The following KHDRBS2 variants were observed in gnomAD, a reference collection of about 807,000 sequenced individuals.
KHDRBS2 encodes KH domain-containing, RNA-binding, signal transduction-associated protein 2.
A neutral mutation model predicts 44.3 loss-of-function variants in KHDRBS2; 26 were observed. The observed-to-expected ratio is 0.59, with a 90% confidence interval of 0.43 to 0.81. The LOEUF is 0.81. Among genes scored for constraint, KHDRBS2 ranks in the 40% least tolerant of loss-of-function variants. KHDRBS2 has a pLI of 0.00. For synonymous variants in KHDRBS2, 194 were observed against 151.1 expected (o/e 1.28, Z -2.08); for missense variants, 476 against 433.1 (o/e 1.10, Z -0.88).
chr6:61,780,173 T>C (rs1397475579), intron 6 of KHDRBS2, among the ~76,000 whole-genome samples: 1 of 152,212 alleles, frequency 6.6e-6, no homozygotes, highest in East Asian at 1.9e-4. Context: ...AATTTAAAAA[T>C]TTAAAAAATA....
At chr6:61,962,672 G>A (rs1241995686) in intron 4 of KHDRBS2, among the ~76,000 whole-genome samples, 4 of 151,900 alleles carry the variant, frequency 2.6e-5, no homozygotes, top group Non-Finnish European at 4.4e-5. Flanking sequence ...TAAATCTGGA[G>A]GATAACTGTC....
At chr6:62,005,591 A>T in intron 3 of KHDRBS2, among the ~76,000 whole-genome samples, 1 of 151,752 alleles carries the variant, frequency 6.6e-6, no homozygotes. Flanking sequence ...CAAAAATCAA[A>T]TTCATTTAAA....
At chr6:61,776,544 C>T (rs1164703270) in intron 6 of KHDRBS2, among the ~76,000 whole-genome samples, 1 of 152,142 alleles carries the variant, frequency 6.6e-6, no homozygotes, top group African/African-American at 2.4e-5. Context: ...AAAATGCTCA[C>T]CATCACTGGT....
At chr6:61,785,034 C>T (rs888083667) in intron 6 of KHDRBS2, among the ~76,000 whole-genome samples, 1 of 151,696 alleles carries the variant, frequency 6.6e-6, no homozygotes, top group South Asian at 2.1e-4. Flanking sequence ...CTGTAGTCCC[C>T]GCTACTCAAG....
At chr6:61,706,749 G>T (rs986058411) in intron 7 of KHDRBS2, among the ~76,000 whole-genome samples, 1 of 151,774 alleles carries the variant, frequency 6.6e-6, no homozygotes, top group African/African-American at 2.4e-5. Context: ...TGCAAGGTAT[G>T]CATGAACAGA....
At chr6:61,654,307 T>C in the KHDRBS2 span, among the ~76,000 whole-genome samples, 3 of 152,070 alleles carry the variant, frequency 2.0e-5, no homozygotes, top group East Asian at 2.0e-4. Context: ...AGCAGAAACA[T>C]AGAAAAATAC....
chr6:61,721,243 G>T (rs530518217), intron 7 of KHDRBS2, among the ~76,000 whole-genome samples: 16 of 152,238 alleles, frequency 1.1e-4, no homozygotes, highest in African/African-American at 3.9e-4. Context: ...TTTGGCTCCG[G>T]ATTGACTGGG....
At chr6:62,106,400 T>A (rs922896559) in intron 2 of KHDRBS2, among the ~76,000 whole-genome samples, 4 of 152,086 alleles carry the variant, frequency 2.6e-5, no homozygotes, top group Admixed American at 6.6e-5. Flanking sequence ...CCCATTATTA[T>A]TGTGTGGGAG....
At chr6:61,752,705 T>G (rs1486659707) in intron 6 of KHDRBS2, among the ~76,000 whole-genome samples, 1 of 139,262 alleles carries the variant, frequency 7.2e-6, no homozygotes, top group Non-Finnish European at 1.6e-5. Context: ...AACAAAAATA[T>G]CCATGCTCAT....
At chr6:61,615,380 C>A in the KHDRBS2 span, among the ~76,000 whole-genome samples, 2 of 152,040 alleles carry the variant, frequency 1.3e-5, no homozygotes, top group African/African-American at 4.8e-5. Context: ...GTCTACTTAG[C>A]AAAGTGCTGA....
At chr6:62,058,680 G>C (rs1790885920) in intron 2 of KHDRBS2, among the ~76,000 whole-genome samples, 1 of 151,844 alleles carries the variant, frequency 6.6e-6, no homozygotes, top group African/African-American at 2.4e-5. Flanking sequence ...AGTTTTATTA[G>C]AATAGAGTAG....
downstream of KHDRBS2, among the ~76,000 whole-genome samples, chr6:61,675,324 T>C (rs1765864929): frequency 6.6e-6 from 1 of 151,774 alleles, no homozygotes; most frequent in Admixed American, 6.6e-5. Flanking sequence ...CTTTCATATG[T>C]CATTTTGTGA....
chr6:61,659,197 T>C, the KHDRBS2 span: 1 of 151,864 alleles, frequency 6.6e-6, no homozygotes, highest in Non-Finnish European at 1.5e-5. Flanking sequence ...CAAAAATATA[T>C]AAAGTGCATG....
At chr6:62,263,395 T>G (rs2150183042) in intron 1 of KHDRBS2, among the ~76,000 whole-genome samples, 1 of 151,788 alleles carries the variant, frequency 6.6e-6, no homozygotes. Flanking sequence ...CAACTACATT[T>G]TTTGAAAATA....
At chr6:61,817,753 T>C (rs1175633444) in intron 6 of KHDRBS2, among the ~76,000 whole-genome samples, 1 of 151,802 alleles carries the variant, frequency 6.6e-6, no homozygotes, top group Non-Finnish European at 1.5e-5. Context: ...GACTTACAAG[T>C]CATTGGTGCA....
chr6:61,920,649 T>A (rs1004977287), intron 4 of KHDRBS2, among the ~76,000 whole-genome samples: 1 of 151,936 alleles, frequency 6.6e-6, no homozygotes, highest in Non-Finnish European at 1.5e-5. Flanking sequence ...CTTGGAAGAT[T>A]AAGGTCTAGG....
At chr6:61,640,699 G>A in the KHDRBS2 span, among the ~76,000 whole-genome samples, 3 of 152,108 alleles carry the variant, frequency 2.0e-5, no homozygotes, top group Non-Finnish European at 4.4e-5. Flanking sequence ...GTAAAAGACA[G>A]AGCACTTCTT....
At chr6:62,214,704 A>T (rs891524110) in intron 1 of KHDRBS2, among the ~76,000 whole-genome samples, 1 of 151,978 alleles carries the variant, frequency 6.6e-6, no homozygotes, top group South Asian at 2.1e-4. Context: ...TGTGCTCAAA[A>T]GAGGAAACTG....
intron 3 of KHDRBS2, among the ~76,000 whole-genome samples, chr6:62,040,043 T>C (rs1345762419): frequency 1.3e-5 from 2 of 152,124 alleles, no homozygotes; most frequent in Non-Finnish European, 2.9e-5. Context: ...TGATGTCTAG[T>C]ATCTCATAAA....
Sources: allele counts gnomAD v4.1 joint callset (sites outside exome capture counted in the v4.1 genomes callset), GRCh38; gene constraint gnomAD v4.1.1; transcripts MANE v1.5; gene names NCBI Gene and HGNC (gene_info 2026-07-23, HGNC 2026-07-21).